The following PTPRG variants were observed in gnomAD, a reference collection of about 807,000 sequenced individuals.
PTPRG encodes receptor-type tyrosine-protein phosphatase gamma.
A neutral mutation model predicts 165.3 loss-of-function variants in PTPRG; 102 were observed. That is an observed-to-expected ratio of 0.62 (90% CI 0.53 to 0.73). The LOEUF (loss-of-function observed/expected upper bound fraction) is 0.73, where lower values mean the gene tolerates loss of function less well. Among genes scored for constraint, PTPRG ranks in the 30% least tolerant of loss-of-function variants. PTPRG has a pLI of 0.00. For synonymous variants in PTPRG, 675 were observed against 669.5 expected (o/e 1.01, Z -0.13); for missense variants, 1,866 against 1,861.4 (o/e 1.00, Z -0.05).
intron 2 of PTPRG, among the ~76,000 whole-genome samples, chr3:61,928,808 A>T (rs1249398143): frequency 6.6e-6 from 1 of 152,146 alleles, no homozygotes. Flanking sequence ...TATCAGATGT[A>T]TTGTGACAGT....
chr3:61,927,998 G>T (rs2039266587), intron 2 of PTPRG, among the ~76,000 whole-genome samples: 1 of 152,142 alleles, frequency 6.6e-6, no homozygotes, highest in Non-Finnish European at 1.5e-5. Context: ...TGATTTTCCT[G>T]TACCGGTCAC....
Position 62,267,705 on chromosome 3 carries a change from C to G in PTPRG, c.2760C>G (p.Ala920=). ...NYVDGYNKAK[A]YIATQGPLKS... ...TGAAGGGTTACAACAAAGCAAAAGC[C>G]TACATTGCCACCCAAGGACCTTTGA... The change falls in exon 19 of 30, where the codon GCC becomes GCG. Residue 920 remains alanine, a synonymous_variant. Coordinates refer to ENST00000474889, the MANE Select transcript of PTPRG (RefSeq NM_002841.4). 1 of 1,613,254 alleles carries G rather than the reference C, an allele frequency of 6.2e-7. No homozygotes were observed. Among genetic ancestry groups the G allele is most frequent in the Non-Finnish European group, 8.5e-7 (1 of 1,179,516 alleles).
intron 2 of PTPRG, among the ~76,000 whole-genome samples, chr3:61,752,803 A>AAAAAAG (rs1373427180): frequency 4.2e-4 from 14 of 33,132 alleles, no homozygotes; most frequent in East Asian, 2.0e-3. Context: ...AAAAAAAAAG[A>AAAAAAG]AAAAAAAAAA....
intron 28 of PTPRG, among the ~76,000 whole-genome samples, chr3:62,292,069 G>A (rs558060457): frequency 1.1e-4 from 17 of 151,958 alleles, no homozygotes; most frequent in African/African-American, 4.1e-4. Context: ...GTCCAATAAC[G>A]TCTAGTTAAG....
At chr3:62,110,811 C>T (rs945678465) in intron 5 of PTPRG, among the ~76,000 whole-genome samples, 3 of 152,086 alleles carry the variant, frequency 2.0e-5, no homozygotes, top group Admixed American at 1.3e-4. Flanking sequence ...GTAGAAATTG[C>T]GAGGGCTGTA....
At position 61,836,809 on chromosome 3, in the gene PTPRG, A is replaced by G. The variant is rs911843974; in HGVS notation, c.190+87827A>G. Among the ~76,000 whole-genome samples the G allele has an allele frequency of 8.7e-4, 133 of 152,164 alleles. 2 individuals carry two copies. Among genetic ancestry groups the G allele is most frequent in the Admixed American group, 7.9e-4 (12 of 15,280 alleles). On this transcript the variant is annotated intron_variant, in intron 2 of 29. Transcript: ENST00000474889. ...ACCCAGGCTGGAGTGCAATGGCACA[A>G]TCTCGGCTCACTGCAACCTCTGCCT...
intron 2 of PTPRG, among the ~76,000 whole-genome samples, chr3:61,860,955 C>A (rs1395986975): frequency 1.3e-5 from 2 of 152,250 alleles, no homozygotes; most frequent in East Asian, 1.9e-4. Context: ...AGCCACCCCC[C>A]TTCCCTGTCC....
In PTPRG at chr3:62,203,902, C is replaced by T. The variant is rs1417328865; in HGVS notation, c.2107C>T (p.Arg703Cys). 14 of 1,602,718 alleles carry T rather than the reference C, an allele frequency of 8.7e-6. No individual in the cohort carries two copies. The highest frequency in any genetic ancestry group is 1.3e-5 in the African/African-American group (1 of 74,594). ...AATGCCATCTAAAAAGCCTATGTCC[C>T]GCGGGGACCGATTTTCTGAAGACAG... ...PEMPSKKPMS[R>C]GDRFSEDSRF... Residue 703 changes from arginine (R) to cysteine (C), a missense_variant, in exon 12 of 30, where the codon CGC (arginine) becomes TGC (cysteine). Around this residue, in one of 3 missense-constraint regions of PTPRG, gnomAD observed 1,452 missense variants for 1,463.0 expected, o/e 0.99. Transcript: ENST00000474889. This position sits in a 1 kb window ranked among gnomAD's most constrained non-coding sequence, Gnocchi z 6.4.
intron 4 of PTPRG, among the ~76,000 whole-genome samples, chr3:62,026,879 T>TTAAAAAAAAAAAAAAAAAA (rs1260741192): frequency 4.2e-5 from 4 of 94,726 alleles, no homozygotes; most frequent in Non-Finnish European, 8.0e-5. Flanking sequence ...GAGTGAGAAT[T>TTAAAAAAAAAAAAAAAAAA]AAAAAAAAAA....
intron 2 of PTPRG, among the ~76,000 whole-genome samples, chr3:61,939,819 A>T (rs190195571): frequency 6.6e-6 from 1 of 151,380 alleles, no homozygotes; most frequent in Non-Finnish European, 1.5e-5. Context: ...GGGCTTTGCA[A>T]TGTCCACCCA....
chr3:61,784,604 A>G (rs943009456), intron 2 of PTPRG, among the ~76,000 whole-genome samples: 5 of 152,164 alleles, frequency 3.3e-5, no homozygotes, highest in African/African-American at 9.7e-5. Flanking sequence ...GATCATCTGC[A>G]TAGTTGTTCT....
intron 3 of PTPRG, among the ~76,000 whole-genome samples, chr3:61,991,873 G>C (rs2040900529): frequency 6.6e-6 from 1 of 152,172 alleles, no homozygotes; most frequent in Admixed American, 6.5e-5. Flanking sequence ...ACAGGTTTTA[G>C]ACGTATGTAG....
chr3:62,121,429 T>C (rs1287842328), intron 5 of PTPRG, among the ~76,000 whole-genome samples: 6 of 152,110 alleles, frequency 3.9e-5, no homozygotes, highest in Admixed American at 3.3e-4. Context: ...ACAACTAGAT[T>C]GTAATTCACT....
chr3:62,026,285 G>A (rs570502949), intron 4 of PTPRG, among the ~76,000 whole-genome samples: 3 of 152,296 alleles, frequency 2.0e-5, no homozygotes, highest in African/African-American at 7.2e-5. Context: ...CTGAAAGATT[G>A]AAAATGCAAT....
chr3:61,757,603 A>T (rs1326374625), intron 2 of PTPRG, among the ~76,000 whole-genome samples: 2 of 152,224 alleles, frequency 1.3e-5, no homozygotes, highest in Admixed American at 1.3e-4. Flanking sequence ...TTTGAAATGA[A>T]CATCAAGATT....
At chr3:61,753,835 A>G (rs914906912) in intron 2 of PTPRG, among the ~76,000 whole-genome samples, 1 of 152,108 alleles carries the variant, frequency 6.6e-6, no homozygotes, top group Non-Finnish European at 1.5e-5. Flanking sequence ...ACCTCAGGTG[A>G]TCGGCCTGTC....
At chr3:61,803,596 G>A (rs2107180614) in intron 2 of PTPRG, among the ~76,000 whole-genome samples, 1 of 140,172 alleles carries the variant, frequency 7.1e-6, no homozygotes, top group South Asian at 2.2e-4. Context: ...CATACTTGAT[G>A]AGTTATTTTT....
intron 2 of PTPRG, among the ~76,000 whole-genome samples, chr3:61,963,969 A>T (rs2040213460): frequency 2.0e-5 from 3 of 152,160 alleles, no homozygotes; most frequent in African/African-American, 4.8e-5. Flanking sequence ...TGTACAGGTG[A>T]TATGTTTAAG....
chr3:62,166,125 T>C (rs1223867401), intron 7 of PTPRG, among the ~76,000 whole-genome samples: 1 of 151,176 alleles, frequency 6.6e-6, no homozygotes, highest in Admixed American at 6.6e-5. Flanking sequence ...AACAGTTCAT[T>C]CAGCTTTTCT....
Sources: gnomAD v4.1 joint callset for allele counts (sites outside exome capture counted in the v4.1 genomes callset) on GRCh38, gnomAD v4.1.1 for gene constraint, gnomAD v4.1.1 regional missense constraint, Gnocchi (gnomAD v3.1) non-coding constraint, MANE v1.5 for transcripts, NCBI Gene and HGNC (gene_info 2026-07-23, HGNC 2026-07-21) for gene names.